HMOX2: variants seen among roughly 807,000 people sequenced by gnomAD.
The protein encoded by HMOX2 is heme oxygenase 2.
A neutral mutation model predicts 33.7 loss-of-function variants in HMOX2; 30 were observed. That is an observed-to-expected ratio of 0.89 (90% CI 0.67 to 1.21). The LOEUF (loss-of-function observed/expected upper bound fraction) is 1.21. Among genes scored for constraint, HMOX2 ranks in the 50% most tolerant of loss-of-function variants. The pLI, the probability that HMOX2 is intolerant of heterozygous loss-of-function variation, is 0.00. For synonymous variants in HMOX2, 155 were observed against 155.0 expected (o/e 1.00, Z 0.00); for missense variants, 403 against 399.1 (o/e 1.01, Z -0.08).
At chr16:4,489,381 T>C (rs1286352163) in intron 1 of HMOX2, among the ~76,000 whole-genome samples, 2 of 152,168 alleles carry the variant, frequency 1.3e-5, no homozygotes, top group Non-Finnish European at 2.9e-5. Context: ...GGCACAGTCA[T>C]GGGCTCAAGT....
chr16:4,509,350 T>TAAA, intron 4 of HMOX2, 62 bp from the exon 5 acceptor site: 6 of 1,377,146 alleles, frequency 4.4e-6, no homozygotes, highest in Non-Finnish European at 5.9e-6. Flanking sequence ...AAAAGACATT[T>TAAA]AAAAAAAAAA....
chr16:4,476,973 T>G (rs948105248), intron 1 of HMOX2, among the ~76,000 whole-genome samples: 1 of 152,094 alleles, frequency 6.6e-6, no homozygotes, highest in African/African-American at 2.4e-5. Context: ...AATGCCCTTA[T>G]CTCTATAGGA....
intron 1 of HMOX2, among the ~76,000 whole-genome samples, chr16:4,500,925 A>T (rs1263516762): frequency 6.6e-6 from 1 of 152,206 alleles, no homozygotes; most frequent in Admixed American, 6.5e-5. Context: ...GTGAACAGCT[A>T]GGAGTACTGG....
At position 4,505,552 on chromosome 16, in the gene HMOX2, G is replaced by C. The variant is rs200633966; in HGVS notation, c.28G>C (p.Gly10Arg). 39 of 1,607,278 alleles carry C rather than the reference G, an allele frequency of 2.4e-5. No homozygotes were observed. Among genetic ancestry groups the C allele is most frequent in the East Asian group, 1.6e-4 (7 of 44,588 alleles). The change falls in exon 2 of 6, where the codon GGG (glycine) becomes CGG (arginine). Residue 10 changes from glycine to arginine, a missense_variant. By Grantham distance (125) the Gly-to-Arg change is moderately radical. Coordinates refer to ENST00000570646, the MANE Select transcript of HMOX2 (RefSeq NM_002134.4). MSAEVETSE[G>R]VDESEKKNSG... The stretch of plus-strand genomic sequence containing the variant: ...GTCAGCGGAAGTGGAAACCTCAGAG[G>C]GGGTAGACGAGTCAGAAAAAAAGAA...
At chr16:4,486,275 A>G (rs768674426) in intron 1 of HMOX2, among the ~76,000 whole-genome samples, 2 of 152,200 alleles carry the variant, frequency 1.3e-5, no homozygotes, top group Non-Finnish European at 2.9e-5. Flanking sequence ...GCCTTTTACC[A>G]AACACCAACT....
chr16:4,486,164 A>G (rs4786501), intron 1 of HMOX2, among the ~76,000 whole-genome samples: 3 of 152,114 alleles, frequency 2.0e-5, no homozygotes, highest in East Asian at 1.9e-4. Flanking sequence ...AAAAGTACAC[A>G]TCTCTTAATT....
intron 2 of HMOX2, among the ~76,000 whole-genome samples, chr16:4,506,681 G>A (rs1208766799): frequency 3.9e-5 from 6 of 152,196 alleles, no homozygotes; most frequent in African/African-American, 1.4e-4. Context: ...TATCCCTTGT[G>A]TCCTGAGTCC....
At chr16:4,477,441 G>A (rs1201728871) in intron 1 of HMOX2, among the ~76,000 whole-genome samples, 2 of 145,056 alleles carry the variant, frequency 1.4e-5, no homozygotes, top group African/African-American at 5.1e-5. Context: ...AGAGGTTGCA[G>A]TGAGCCGAGA....
rs530073943 is a variant in HMOX2 at position 4,488,237 on chromosome 16, A to G, written c.-42+11750A>G. Among the ~76,000 whole-genome samples the G allele has an allele frequency of 7.9e-5, 12 of 151,856 alleles. No individual in the cohort carries two copies. In the South Asian group the frequency reaches 1.0e-3, roughly 13 times the overall value. On this transcript the variant is annotated intron_variant, in intron 1 of 5. Coordinates refer to ENST00000570646, the MANE Select transcript of HMOX2 (RefSeq NM_002134.4). ...ATTATGTCTGCTTTTTTCTAAAGCTATTCATTCATTGTTGCCTAATCATGT... is the reference window on the plus strand; with the variant it reads ...ATTATGTCTGCTTTTTTCTAAAGCTGTTCATTCATTGTTGCCTAATCATGT...
chr16:4,477,920 C>G (rs1240604248), intron 1 of HMOX2, among the ~76,000 whole-genome samples: 2 of 151,262 alleles, frequency 1.3e-5, no homozygotes, highest in Non-Finnish European at 3.0e-5. Context: ...GACCCTGTCT[C>G]AAAAAAGAAA....
intron 1 of HMOX2, among the ~76,000 whole-genome samples, chr16:4,498,003 G>A (rs1046861973): frequency 1.3e-5 from 2 of 148,758 alleles, no homozygotes; most frequent in Non-Finnish European, 3.0e-5. Flanking sequence ...TGCTTATTTA[G>A]TAATCTGACT....
chr16:4,480,810 G>C (rs1045983783), intron 1 of HMOX2, among the ~76,000 whole-genome samples: 3 of 146,706 alleles, frequency 2.0e-5, no homozygotes, highest in Admixed American at 2.0e-4. Flanking sequence ...CTGCCACCAC[G>C]CCTGGCTAAT....
At chr16:4,480,960 C>CGA (rs1439606570) in intron 1 of HMOX2, among the ~76,000 whole-genome samples, 9 of 151,452 alleles carry the variant, frequency 5.9e-5, no homozygotes, top group African/African-American at 2.2e-4. Context: ...GGCCAGGCCT[C>CGA]GTATTTTTGC....
intron 1 of HMOX2, among the ~76,000 whole-genome samples, chr16:4,487,446 G>A (rs1171090661): frequency 2.6e-5 from 4 of 152,040 alleles, no homozygotes; most frequent in Admixed American, 6.6e-5. Flanking sequence ...CGAGGCGGGC[G>A]GATCACCTGA....
At chr16:4,505,693 G>GTGCTGCCAA in intron 2 of HMOX2, 83 bp downstream of exon 2, 2 of 1,011,260 alleles carry the variant, frequency 2.0e-6, no homozygotes, top group Non-Finnish European at 3.0e-6. Flanking sequence ...TCTGTTGGCA[G>GTGCTGCCAA]CACTGGGGAG....
intron 1 of HMOX2, 96 bp from the exon 2 acceptor site, chr16:4,505,388 C>A: frequency 1.7e-6 from 1 of 598,822 alleles, no homozygotes; most frequent in Admixed American, 3.0e-5. Flanking sequence ...TGGGTGTCAC[C>A]TTGGTTACAT....
At chr16:4,491,616 C>T (rs540313840) in intron 1 of HMOX2, among the ~76,000 whole-genome samples, 14 of 152,088 alleles carry the variant, frequency 9.2e-5, no homozygotes, top group Admixed American at 6.5e-4. Flanking sequence ...TATGCCACTG[C>T]GCTCCAGCCT....
chr16:4,504,090 A>G (rs978602944), intron 1 of HMOX2, among the ~76,000 whole-genome samples: 4 of 152,234 alleles, frequency 2.6e-5, no homozygotes, highest in African/African-American at 7.2e-5. Flanking sequence ...CCTGGCTGAC[A>G]AAGGCTCAGC....
At chr16:4,494,875 TAA>T in intron 1 of HMOX2, among the ~76,000 whole-genome samples, 1 of 144,880 alleles carries the variant, frequency 6.9e-6, no homozygotes, top group South Asian at 2.2e-4. Flanking sequence ...TGAGACTGTC[TAA>T]AAAAAAAAAG....
Sources: gnomAD v4.1 joint callset for allele counts (sites outside exome capture counted in the v4.1 genomes callset) on GRCh38, gnomAD v4.1.1 for gene constraint, MANE v1.5 for transcripts, NCBI Gene and HGNC (gene_info 2026-07-23, HGNC 2026-07-21) for gene names.